Variants in MED12L observed in about 807,000 individuals in gnomAD.
MED12L encodes mediator of RNA polymerase II transcription subunit 12-like protein.
Under a neutral mutation model 281.3 loss-of-function variants are expected in MED12L, and 60 were observed. The ratio of observed to expected loss-of-function variants is 0.21; its 90% CI spans 0.17 to 0.26. The LOEUF (loss-of-function observed/expected upper bound fraction) is 0.26. MED12L is among the 10% of genes least tolerant of loss of function. The pLI is 1.00. For synonymous variants in MED12L, 974 were observed against 987.2 expected (o/e 0.99, Z 0.25); for missense variants, 2,146 against 2,680.9 (o/e 0.80, Z 4.41).
At chr3:151,346,845 C>T (rs1283872697) in intron 16 of MED12L, among the ~76,000 whole-genome samples, 2 of 152,084 alleles carry the variant, frequency 1.3e-5, no homozygotes. Context: ...TGGACATTTA[C>T]ACATTTCTAC....
chr3:151,159,431 G>A (rs909401796), intron 7 of MED12L, among the ~76,000 whole-genome samples: 8 of 152,152 alleles, frequency 5.3e-5, no homozygotes, highest in African/African-American at 1.9e-4. Context: ...CATTACAATA[G>A]CCACTAGCCA....
intron 16 of MED12L, among the ~76,000 whole-genome samples, chr3:151,283,472 C>G (rs550083540): frequency 6.6e-6 from 1 of 152,240 alleles, no homozygotes; most frequent in Non-Finnish European, 1.5e-5. Flanking sequence ...TCTTTTTCAC[C>G]TTGAGGTCTC....
chr3:151,266,527 C>T (rs898082028), intron 16 of MED12L, among the ~76,000 whole-genome samples: 3 of 152,142 alleles, frequency 2.0e-5, no homozygotes, highest in Admixed American at 6.5e-5. Flanking sequence ...TTTTAAAAAT[C>T]GCGTTTCAAT....
At chr3:151,307,600 G>T (rs952221525) in intron 16 of MED12L, among the ~76,000 whole-genome samples, 2 of 149,358 alleles carry the variant, frequency 1.3e-5, no homozygotes, top group African/African-American at 4.9e-5. Context: ...GAGCAGATGG[G>T]GGGTTGATGT....
At chr3:151,146,436 T>C (rs577315031) in intron 5 of MED12L, among the ~76,000 whole-genome samples, 18 of 152,308 alleles carry the variant, frequency 1.2e-4, no homozygotes, top group African/African-American at 4.3e-4. Flanking sequence ...TCTACTTTTG[T>C]GTCATGTGCA....
intron 21 of MED12L, among the ~76,000 whole-genome samples, chr3:151,362,240 T>A (rs1491979): frequency 0.76 from 114,868 of 151,844 alleles, 44,162 homozygotes; most frequent in African/African-American, 0.89. Context: ...ACTAAAGTGA[T>A]CCTTTTAATA....
chr3:151,346,423 C>T lies in MED12L; in HGVS notation c.2251-3636C>T, dbSNP rs529843421. On this transcript the variant is annotated intron_variant, in intron 16 of 44. Coordinates refer to ENST00000687756, the MANE Select transcript of MED12L (RefSeq NM_001393769.1). The stretch of plus-strand genomic sequence containing the variant: ...CCCAACTCCTGGTAAATGTGGGTCA[C>T]TTCCCTATCTTCACCATTTCATCAT... Among the ~76,000 whole-genome samples, 4 of 152,150 alleles carry T rather than the reference C, an allele frequency of 2.6e-5. No individual in the cohort carries two copies. In the South Asian group the frequency reaches 6.2e-4, roughly 24 times the overall value.
At position 151,122,914 on chromosome 3, in the gene MED12L, A is replaced by T; in HGVS notation, c.336A>T (p.Ala112=). The T allele has an allele frequency of 1.9e-6, 3 of 1,612,302 alleles. No individual in the cohort carries two copies. The highest frequency in any genetic ancestry group is 2.5e-6 in the Non-Finnish European group (3 of 1,179,392). Residue 112 remains alanine, a synonymous_variant, in exon 4 of 45, where the codon GCA becomes GCT. Transcript: ENST00000687756. Reference sequence around the variant, plus strand: ...TGGTTACTGCTCGATCCCAGAGTGCAATTCATAGTTGGTTTTCTGACTTAG... The same window carrying T: ...TGGTTACTGCTCGATCCCAGAGTGCTATTCATAGTTGGTTTTCTGACTTAG... The part of the protein sequence containing the change: ...YWLVTARSQS[A]IHSWFSDLAG...
At position 151,409,251 on chromosome 3, in the gene MED12L, G is replaced by A. The variant is rs369680211; in HGVS notation, c.5829G>A (p.Pro1943=). ...TTGGCTTTGTTTTCCAGGGCCAGCC[G>A]GGGGACCAGGCTGCTCTCTTTGCTG... ...AQTRPFQQGQ[P]GDQAALFAAQ... Residue 1943 remains proline (P), a synonymous_variant, in exon 40 of 45, where the codon CCG becomes CCA. Transcript: ENST00000687756. 6.9e-6 allele frequency: 11 copies of A among 1,591,366 alleles called. No individual in the cohort carries two copies. The African/African-American group carries it at 9.6e-5, about 14-fold the overall frequency.
intron 16 of MED12L, among the ~76,000 whole-genome samples, chr3:151,285,234 C>T (rs1289997408): frequency 6.6e-6 from 1 of 152,106 alleles, no homozygotes; most frequent in Non-Finnish European, 1.5e-5. Flanking sequence ...CCTGTAATCC[C>T]AGCACTTTGG....
intron 5 of MED12L, among the ~76,000 whole-genome samples, chr3:151,137,177 A>AG (rs1485022204): frequency 6.6e-6 from 1 of 151,552 alleles, no homozygotes; most frequent in Non-Finnish European, 1.5e-5. Context: ...AAAAAGAAAA[A>AG]AAAAAAAAAG....
intron 16 of MED12L, among the ~76,000 whole-genome samples, chr3:151,256,638 G>C (rs1737861980): frequency 6.6e-6 from 1 of 152,182 alleles, no homozygotes; most frequent in Admixed American, 6.5e-5. Flanking sequence ...CTACAGGAAA[G>C]ACAAAAGCTT....
chr3:151,290,413 T>C (rs1435318723), intron 16 of MED12L, among the ~76,000 whole-genome samples: 2 of 152,190 alleles, frequency 1.3e-5, no homozygotes, highest in African/African-American at 4.8e-5. Flanking sequence ...GTATTCAAAA[T>C]GAAAGTTGCA....
intron 11 of MED12L, among the ~76,000 whole-genome samples, chr3:151,175,220 C>T (rs1384522180): frequency 6.6e-6 from 1 of 152,148 alleles, no homozygotes; most frequent in Admixed American, 6.6e-5. Flanking sequence ...ACCTATATGA[C>T]TTGCTAATAT....
intron 5 of MED12L, among the ~76,000 whole-genome samples, chr3:151,141,870 A>G (rs376583067): frequency 6.6e-6 from 1 of 152,210 alleles, no homozygotes; most frequent in Non-Finnish European, 1.5e-5. Flanking sequence ...TTAAGAATCC[A>G]TTGCTACTCA....
At chr3:151,143,701 C>T (rs1301345624) in intron 5 of MED12L, among the ~76,000 whole-genome samples, 1 of 152,142 alleles carries the variant, frequency 6.6e-6, no homozygotes, top group East Asian at 1.9e-4. Context: ...CCCCCAAGAC[C>T]TGGCCAGAGG....
chr3:151,261,870 G>A (rs918636570), intron 16 of MED12L, among the ~76,000 whole-genome samples: 1 of 152,072 alleles, frequency 6.6e-6, no homozygotes, highest in African/African-American at 2.4e-5. Context: ...GACTACAGGC[G>A]TTCGTCACCA....
Position 151,355,185 on chromosome 3 carries a change from G to A in MED12L, c.2463G>A (p.Val821=). ...AGACATTTCCAACACTGGAGACTGT[G>A]TTCACTAAACTCCAGCTCCTTTCAT... is the stretch of plus-strand genomic sequence containing the variant. ...KQETFPTLET[V]FTKLQLLSYF... The change falls in exon 18 of 45, where the codon GTG becomes GTA. Residue 821 remains valine (V), a synonymous_variant. Transcript: ENST00000687756. The A allele has an allele frequency of 6.2e-7, 1 of 1,613,966 alleles. No homozygotes were observed. Among genetic ancestry groups the A allele is most frequent in the Non-Finnish European group, 8.5e-7 (1 of 1,179,920 alleles).
At chr3:151,393,088 TAGAAGA>T (rs890400507) in intron 38 of MED12L, among the ~76,000 whole-genome samples, 1 of 152,194 alleles carries the variant, frequency 6.6e-6, no homozygotes, top group Non-Finnish European at 1.5e-5. Context: ...ACTTTGTAAA[TAGAAGA>T]AGATGGCTGA....
Sources: gnomAD v4.1 joint callset for allele counts (sites outside exome capture counted in the v4.1 genomes callset) on GRCh38, gnomAD v4.1.1 for gene constraint, MANE v1.5 for transcripts, NCBI Gene and HGNC (gene_info 2026-07-23, HGNC 2026-07-21) for gene names.